HYDIN: variants seen among roughly 807,000 people sequenced by gnomAD.
The protein encoded by HYDIN is HYDIN axonemal central pair apparatus protein.
A neutral mutation model predicts 403.9 loss-of-function variants in HYDIN; 132 were observed. That is an observed-to-expected ratio of 0.33 (90% CI 0.28 to 0.38). The LOEUF (loss-of-function observed/expected upper bound fraction) is 0.38, where lower values mean the gene tolerates loss of function less well. HYDIN is among the 10% of genes least tolerant of loss of function. HYDIN has a pLI of 1.00. For missense variants in HYDIN, 2,827 were observed against 5,009.5 expected, an observed-to-expected ratio of 0.56 and a Z score of 13.15; for synonymous variants, 1,202 against 1,891.7, an observed-to-expected ratio of 0.64 and a Z score of 9.46.
At chr16:70,882,566 C>G (rs907002116) in intron 60 of HYDIN, 94 bp downstream of exon 60, 23 of 614,760 alleles carry the variant, frequency 3.7e-5, no homozygotes, top group African/African-American at 5.5e-5. Flanking sequence ...AATTTCCACT[C>G]ACGCATACAG....
chr16:70,807,006 G>A lies in HYDIN; in HGVS notation c.*574C>T, dbSNP rs1192055466. 6.6e-6 allele frequency among the ~76,000 whole-genome samples: 1 copy of A among 152,174 alleles called. No individual in the cohort carries two copies. The highest frequency in any genetic ancestry group is 1.5e-5 in the Non-Finnish European group (1 of 68,036). On this transcript the variant is annotated 3_prime_UTR_variant, in exon 86 of 86. Coordinates refer to ENST00000393567, the MANE Select transcript of HYDIN (RefSeq NM_001270974.2). ...GACTTCAGTGAGAACTTTCTGTGTA[G>A]GGCAGATGTGGGATTCGGACACTGA... is the stretch of plus-strand genomic sequence containing the variant.
At chr16:70,980,553 A>ATT (rs113711562) in intron 29 of HYDIN, among the ~76,000 whole-genome samples, 1 of 147,746 alleles carries the variant, frequency 6.8e-6, no homozygotes, top group East Asian at 1.9e-4. Context: ...ATAAATATAA[A>ATT]TTATATATAT....
chr16:71,230,276 G>C (rs986522809), intron 1 of HYDIN, among the ~76,000 whole-genome samples: 1 of 152,168 alleles, frequency 6.6e-6, no homozygotes, highest in African/African-American at 2.4e-5. Context: ...GAAATGATTC[G>C]TCCAAGGCCT....
chr16:71,086,577 G>A (rs1392671763), intron 12 of HYDIN, among the ~76,000 whole-genome samples: 1 of 151,622 alleles, frequency 6.6e-6, no homozygotes, highest in Non-Finnish European at 1.5e-5. Context: ...CCTACAGATA[G>A]GGCCATTATT....
intron 5 of HYDIN, among the ~76,000 whole-genome samples, chr16:71,167,041 G>A (rs1417413468): frequency 6.8e-6 from 1 of 146,624 alleles, no homozygotes; most frequent in Non-Finnish European, 1.5e-5. Context: ...CCCCAGCCTG[G>A]GCGACAGAGT....
intron 1 of HYDIN, among the ~76,000 whole-genome samples, chr16:71,218,245 T>A (rs779699023): frequency 6.6e-6 from 1 of 152,116 alleles, no homozygotes; most frequent in Non-Finnish European, 1.5e-5. Context: ...TTAATCCCAA[T>A]GTGGTAAGAA....
At chr16:71,104,182 A>G (rs1339930084) in intron 10 of HYDIN, among the ~76,000 whole-genome samples, 1 of 151,828 alleles carries the variant, frequency 6.6e-6, no homozygotes, top group Non-Finnish European at 1.5e-5. Context: ...TCAATAAAAC[A>G]TATATAAAAC....
chr16:71,145,256 A>AT (rs1668656939), intron 7 of HYDIN, among the ~76,000 whole-genome samples: 1 of 151,402 alleles, frequency 6.6e-6, no homozygotes, highest in African/African-American at 2.4e-5. Flanking sequence ...ATGAATGATT[A>AT]ATTTTTTTTT....
chr16:71,082,377 G>C (rs2082811055), intron 12 of HYDIN, among the ~76,000 whole-genome samples: 1 of 152,038 alleles, frequency 6.6e-6, no homozygotes, highest in African/African-American at 2.4e-5. Flanking sequence ...TTGGACAAAT[G>C]AAACACTGAG....
intron 1 of HYDIN, among the ~76,000 whole-genome samples, chr16:71,222,479 T>C (rs2040848382): frequency 6.6e-6 from 1 of 152,088 alleles, no homozygotes; most frequent in Admixed American, 6.6e-5. Flanking sequence ...CTGGAAGTCC[T>C]AGCCAGAGCA....
At chr16:70,880,346 G>A (rs1398512325) in intron 60 of HYDIN, among the ~76,000 whole-genome samples, 4 of 141,382 alleles carry the variant, frequency 2.8e-5, no homozygotes, top group Non-Finnish European at 4.5e-5. Flanking sequence ...GGTGTAAGCC[G>A]CCGTGCCGGG....
At chr16:70,970,881 A>T in intron 35 of HYDIN, 122 bp from the exon 36 acceptor site, 2 of 887,150 alleles carry the variant, frequency 2.3e-6, no homozygotes, top group Non-Finnish European at 3.4e-6. Flanking sequence ...CTTATTATAA[A>T]ATTGCATAAG....
At position 71,115,568 on chromosome 16, in the gene HYDIN, A is replaced by T. The variant is rs1017332127; in HGVS notation, c.1327+128T>A. ...CTCCATAATTCCCCTAATCAATATAATCAATATCATGTACCGCCCATGGCA... is the reference window on the plus strand; with the variant it reads ...CTCCATAATTCCCCTAATCAATATATTCAATATCATGTACCGCCCATGGCA... On this transcript the variant is annotated intron_variant, in intron 10 of 85. Transcript: ENST00000393567. 43 of 579,038 alleles carry T rather than the reference A, an allele frequency of 7.4e-5. 1 individual carries two copies. The highest frequency in any genetic ancestry group is 7.2e-4 in the African/African-American group (39 of 53,948). The allele number at this position is 579,038 out of a possible 1,614,324, so 35.9% of individuals were successfully genotyped here.
chr16:71,114,433 G>A (rs1479350862), intron 10 of HYDIN, among the ~76,000 whole-genome samples: 7 of 151,198 alleles, frequency 4.6e-5, no homozygotes, highest in South Asian at 2.1e-4. Flanking sequence ...TTTCCTTACC[G>A]TCTAGCAAAG....
At chr16:70,879,170 A>C in intron 62 of HYDIN, 127 bp downstream of exon 62, 1 of 591,550 alleles carries the variant, frequency 1.7e-6, no homozygotes, top group Non-Finnish European at 3.0e-6. Flanking sequence ...TCCCTGACAC[A>C]TAGGTTAATG....
intron 58 of HYDIN, among the ~76,000 whole-genome samples, chr16:70,886,207 C>T (rs925189141): frequency 6.6e-6 from 1 of 152,076 alleles, no homozygotes; most frequent in South Asian, 2.1e-4. Flanking sequence ...AGACTTCGTT[C>T]TTCAATTTTT....
Position 71,069,440 on chromosome 16 carries a change from G to C in HYDIN, c.1801C>G (p.Leu601Val), listed in dbSNP as rs1421745622. Residue 601 changes from leucine to valine, a missense_variant, in exon 14 of 86, where the codon CTG becomes GTG. Leu to Val is a conservative substitution (Grantham distance 32). Transcript: ENST00000393567. ...CCAAGGCCATCCCCAGGGATACGCAGTTTGTAAGTCATGGGGATCAAAGAG... is the reference window on the plus strand; with the variant it reads ...CCAAGGCCATCCCCAGGGATACGCACTTTGTAAGTCATGGGGATCAAAGAG... The part of the protein sequence containing the change: ...NTSLIPMTYK[L>V]RIPGDGLGHK... 2.5e-6 allele frequency: 4 copies of C among 1,613,872 alleles called. No individual in the cohort carries two copies. Among genetic ancestry groups the C allele is most frequent in the Admixed American group, 1.7e-5 (1 of 60,004 alleles).
intron 18 of HYDIN, among the ~76,000 whole-genome samples, chr16:71,052,146 AC>A (rs202051539): frequency 0.016 from 2,481 of 152,356 alleles, 15 homozygotes; most frequent in African/African-American, 0.055. Context: ...GGTAAAATAG[AC>A]ATAATAATAA....
Position 70,808,027 on chromosome 16 carries a change from A to C in HYDIN, c.14919T>G (p.Ile4973Met). 2 of 1,613,392 alleles carry C rather than the reference A, an allele frequency of 1.2e-6. No individual in the cohort carries two copies. The highest frequency in any genetic ancestry group is 1.7e-6 in the Non-Finnish European group (2 of 1,179,632). ...DCTDFHAEKLINAAPGGQGGT... is the reference protein window; with the variant it reads ...DCTDFHAEKLMNAAPGGQGGT... ...CTCCCTGGCCTCCTGGGGCTGCATTAATGAGTTTTTCTGCGTGGAAGTCTG... is the reference window on the plus strand; with the variant it reads ...CTCCCTGGCCTCCTGGGGCTGCATTCATGAGTTTTTCTGCGTGGAAGTCTG... Residue 4973 changes from isoleucine (I) to methionine (M), a missense_variant, in exon 86 of 86, where the codon ATT (isoleucine) becomes ATG (methionine). Physicochemically the swap from Ile to Met is conservative, Grantham distance 10 (BLOSUM62 1). Coordinates refer to ENST00000393567, the MANE Select transcript of HYDIN (RefSeq NM_001270974.2).
Sources: gnomAD v4.1 joint callset for allele counts (sites outside exome capture counted in the v4.1 genomes callset) on GRCh38, gnomAD v4.1.1 for gene constraint, MANE v1.5 for transcripts, NCBI Gene and HGNC (gene_info 2026-07-23, HGNC 2026-07-21) for gene names.